RFPL2: variants seen among roughly 807,000 people sequenced by gnomAD.
The protein encoded by RFPL2 is ret finger protein like 2.
A neutral mutation model predicts 17.8 loss-of-function variants in RFPL2; 13 were observed. That is an observed-to-expected ratio of 0.73 (90% confidence interval 0.47 to 1.16). The LOEUF is 1.16. RFPL2 is among the 50% of genes most tolerant of loss of function. The pLI, the probability that RFPL2 is intolerant of heterozygous loss-of-function variation, is 0.00. For synonymous variants in RFPL2, 189 were observed against 180.9 expected (o/e 1.04, Z -0.36); for missense variants, 431 against 479.3 (o/e 0.90, Z 0.94).
intron 2 of RFPL2, among the ~76,000 whole-genome samples, chr22:32,200,608 A>G (rs12160108): frequency 0.14 from 21,634 of 151,790 alleles, 1,733 homozygotes; most frequent in African/African-American, 0.16. Context: ...TTGGCCCCCA[A>G]TTGCTGCCTC....
chr22:32,192,772 C>G (rs563995923), intron 4 of RFPL2, 130 bp downstream of exon 4: 85 of 1,300,540 alleles, frequency 6.5e-5, no homozygotes, highest in African/African-American at 1.8e-4. Context: ...GGCTGAGAAT[C>G]TGATGATGAA....
chr22:32,192,878 G>A lies in RFPL2; in HGVS notation c.556+24C>T, dbSNP rs1451114151. On this transcript the variant is annotated intron_variant, in intron 4 of 4. Transcript: ENST00000652607. ...TTTTCCTGGTCTGGTCTTGGGAAGGGGGCAGGGTATACAGATGCCTTACCT... is the reference window on the plus strand; with the variant it reads ...TTTTCCTGGTCTGGTCTTGGGAAGGAGGCAGGGTATACAGATGCCTTACCT... The A allele has an allele frequency of 2.4e-5, 38 of 1,585,176 alleles. No individual in the cohort carries two copies. The Admixed American group carries it at 6.4e-4, about 27-fold the overall frequency.
At chr22:32,202,273 T>C in intron 2 of RFPL2, 60 bp downstream of exon 2, 1 of 1,547,722 alleles carries the variant, frequency 6.5e-7, no homozygotes, top group Non-Finnish European at 8.7e-7. Flanking sequence ...CCTGCCTTCC[T>C]CTTTCCCTTA....
intron 2 of RFPL2, among the ~76,000 whole-genome samples, chr22:32,195,048 G>T (rs1246760356): frequency 6.6e-6 from 1 of 152,112 alleles, no homozygotes; most frequent in Middle Eastern, 3.2e-3. Flanking sequence ...AATAAAAATT[G>T]TTACCCGTGA....
chr22:32,190,842 A>C lies in RFPL2; in HGVS notation c.1067T>G (p.Val356Gly). Residue 356 changes from valine to glycine, a missense_variant, in exon 5 of 5, where the codon GTC (valine) becomes GGC (glycine). Physicochemically the swap from Val to Gly is moderately radical, Grantham distance 109. Coordinates refer to ENST00000652607, the MANE Select transcript of RFPL2 (RefSeq NM_001394555.1). ...GTTCATCAAAGGACAGATGCTCAAG[A>C]CACCTTGATCACCATTAGGTGGAAC... ...PSVPPNGDQGVLSICPLMNSG... is the reference protein window; with the variant it reads ...PSVPPNGDQGGLSICPLMNSG... 6.4e-7 allele frequency: 1 copy of C among 1,571,220 alleles called. No individual in the cohort carries two copies. Among genetic ancestry groups the C allele is most frequent in the Non-Finnish European group, 8.6e-7 (1 of 1,157,998 alleles).
Position 32,190,996 on chromosome 22 carries a change from G to A in RFPL2, c.913C>T (p.Arg305Ter), listed in dbSNP as rs756667053. Residue 305 changes from arginine (R) to a stop codon, truncating the protein, a stop_gained, in exon 5 of 5, where the codon CGA (arginine) becomes TGA (stop). Coordinates refer to ENST00000652607, the MANE Select transcript of RFPL2 (RefSeq NM_001394555.1). LOFTEE classifies it low-confidence loss of function (END_TRUNC). ...TFLFVDRKLQ[R>*]VGIFLDMGMQ... ...CCCATATCCAGAAAAATCCCCACTC[G>A]CTGTAACTTGCGGTCTACGAAGAGG... 3.1e-6 allele frequency: 5 copies of A among 1,612,032 alleles called. No individual in the cohort carries two copies. In the East Asian group the frequency reaches 8.9e-5, roughly 29 times the overall value.
At chr22:32,195,786 C>G (rs555297539) in intron 2 of RFPL2, among the ~76,000 whole-genome samples, 9 of 152,008 alleles carry the variant, frequency 5.9e-5, no homozygotes, top group Admixed American at 2.6e-4. Flanking sequence ...GTGATGGGAG[C>G]CTTCAGAATC....
chr22:32,193,365 G>C (rs1922931551), intron 3 of RFPL2, 173 bp from the exon 4 acceptor site: 1 of 1,552,558 alleles, frequency 6.4e-7, no homozygotes, highest in Admixed American at 1.9e-5. Context: ...CCCGTCTTCA[G>C]AGATTTGAAG....
intron 2 of RFPL2, among the ~76,000 whole-genome samples, chr22:32,198,090 T>C (rs1923535164): frequency 6.6e-6 from 1 of 152,156 alleles, no homozygotes. Context: ...CTGCTGACTC[T>C]GGGCCAAGCT....
intron 4 of RFPL2, 69 bp from the exon 5 acceptor site, chr22:32,191,421 A>G (rs1395264492): frequency 2.0e-6 from 3 of 1,513,068 alleles, no homozygotes; most frequent in Non-Finnish European, 2.7e-6. Context: ...TTCTACTTCA[A>G]AGGCCCAAAT....
chr22:32,197,091 C>G (rs1351390300), intron 2 of RFPL2, among the ~76,000 whole-genome samples: 1 of 152,158 alleles, frequency 6.6e-6, no homozygotes, highest in Non-Finnish European at 1.5e-5. Context: ...TCAGGAGAAA[C>G]TATAGGTTTG....
Position 32,190,768 on chromosome 22 carries a change from G to C in RFPL2, c.*4C>G, listed in dbSNP as rs778351479. On this transcript the variant is annotated 3_prime_UTR_variant, in exon 5 of 5. Transcript: ENST00000652607. ...CCTGTTTTTTGTTTTTTTGGAGTGA[G>C]GGCTTATTTGGCCTCCCCAGGACGG... 2.0e-6 allele frequency: 3 copies of C among 1,500,348 alleles called. No homozygotes were observed. The highest frequency in any genetic ancestry group is 1.4e-5 in the South Asian group (1 of 70,686). The allele number at this position is 1,500,348 out of a possible 1,614,324, so 92.9% of individuals were successfully genotyped here. A position where few individuals can be genotyped will look rare whatever the true frequency, so the allele number is the denominator to read the frequency against.
In RFPL2 at chr22:32,191,066, C is replaced by T. The variant is rs1180630395; in HGVS notation, c.843G>A (p.Leu281=). Reference sequence around the variant, plus strand: ...TGGCAGAGAGGCGGCCTCCATCCCTCAAACTCACAGTCCAGAATCCAAGCT... The same window carrying T: ...TGGCAGAGAGGCGGCCTCCATCCCTTAAACTCACAGTCCAGAATCCAAGCT... ...TTELGFWTVS[L]RDGGRLSATT... The change falls in exon 5 of 5, where the codon TTG becomes TTA. Residue 281 remains leucine (L), a synonymous_variant. Transcript: ENST00000652607. The T allele has an allele frequency of 6.2e-7, 1 of 1,613,868 alleles. No homozygotes were observed. Among genetic ancestry groups the T allele is most frequent in the East Asian group, 2.2e-5 (1 of 44,900 alleles).
chr22:32,199,025 C>A (rs1342670764), intron 2 of RFPL2, among the ~76,000 whole-genome samples: 1 of 152,158 alleles, frequency 6.6e-6, no homozygotes, highest in Admixed American at 6.5e-5. Flanking sequence ...GACCTGGAAC[C>A]CTTAAAGCCG....
intron 2 of RFPL2, chr22:32,200,195 C>A (rs374564183): frequency 5.4e-6 from 2 of 369,774 alleles, no homozygotes; most frequent in East Asian, 1.7e-4. Context: ...ACAAAGAGAG[C>A]GCTGTGGAGA....
chr22:32,190,640 A>T lies in RFPL2; in HGVS notation c.*132T>A. ...CTCTATAATCTAATCAAATTAGATT[A>T]AGTACAATCAAGAAATGTCCCATAT... is the stretch of plus-strand genomic sequence containing the variant. On this transcript the variant is annotated 3_prime_UTR_variant, in exon 5 of 5. Transcript: ENST00000652607. The T allele has an allele frequency of 1.1e-6, 1 of 890,540 alleles. No homozygotes were observed. The highest frequency in any genetic ancestry group is 1.7e-6 in the Non-Finnish European group (1 of 601,728). 55.2% of individuals were successfully genotyped at this position (890,540 alleles called of 1,614,324 possible).
At chr22:32,201,115 G>A (rs1314112130) in intron 2 of RFPL2, among the ~76,000 whole-genome samples, 1 of 145,460 alleles carries the variant, frequency 6.9e-6, no homozygotes, top group Non-Finnish European at 1.5e-5. Flanking sequence ...TCAGCTCACT[G>A]CAAGCTCTAC....
intron 2 of RFPL2, among the ~76,000 whole-genome samples, chr22:32,201,189 C>G (rs906418974): frequency 1.3e-5 from 2 of 151,942 alleles, no homozygotes; most frequent in Non-Finnish European, 2.9e-5. Context: ...AGGCGCCCAC[C>G]ACCACACCTG....
At chr22:32,197,543 G>A (rs994147237) in intron 2 of RFPL2, among the ~76,000 whole-genome samples, 1 of 151,884 alleles carries the variant, frequency 6.6e-6, no homozygotes, top group African/African-American at 2.4e-5. Flanking sequence ...ATCTCCTAAT[G>A]CTATCCCTCC....
Sources: allele counts gnomAD v4.1 joint callset (sites outside exome capture counted in the v4.1 genomes callset), GRCh38; gene constraint gnomAD v4.1.1; transcripts MANE v1.5; gene names NCBI Gene and HGNC (gene_info 2026-07-23, HGNC 2026-07-21).